IQCK: variants seen among roughly 807,000 people sequenced by gnomAD.
The protein encoded by IQCK is IQ domain-containing protein K.
Under a neutral mutation model 28.1 loss-of-function variants are expected in IQCK, and 29 were observed. The observed-to-expected ratio is 1.03, with a 90% confidence interval of 0.77 to 1.41. The LOEUF is 1.41. Among genes scored for constraint, IQCK ranks in the 40% most tolerant of loss-of-function variants. The pLI, the probability that IQCK is intolerant of heterozygous loss-of-function variation, is 0.00. For missense variants in IQCK, 359 were observed against 314.7 expected (o/e 1.14, Z -1.07); for synonymous variants, 113 against 115.1 (o/e 0.98, Z 0.12).
intron 7 of IQCK, among the ~76,000 whole-genome samples, chr16:19,814,706 T>C (rs1057074707): frequency 6.7e-6 from 1 of 149,204 alleles, no homozygotes; most frequent in African/African-American, 2.5e-5. Context: ...ACACAGATAC[T>C]AACCAAAAGA....
intron 9 of IQCK, among the ~76,000 whole-genome samples, chr16:19,833,663 G>A (rs1265661048): frequency 6.6e-6 from 1 of 152,110 alleles, no homozygotes; most frequent in African/African-American, 2.4e-5. Context: ...CAGAGTAGAG[G>A]GTGGAGACCA....
At chr16:19,797,613 C>CAA (rs61289661) in intron 7 of IQCK, among the ~76,000 whole-genome samples, 2 of 45,696 alleles carry the variant, frequency 4.4e-5, no homozygotes, top group African/African-American at 1.6e-4. Context: ...TGAGGCCTTG[C>CAA]AAAAAAAAAA....
chr16:19,733,655 A>T (rs1379342603), intron 2 of IQCK, 43 bp from the exon 3 acceptor site: 1 of 1,607,034 alleles, frequency 6.2e-7, no homozygotes. Context: ...CAATTATTTA[A>T]GCTGTTTAAA....
intron 4 of IQCK, among the ~76,000 whole-genome samples, chr16:19,749,176 TAGAGA>T (rs1293347382): frequency 6.6e-6 from 1 of 152,154 alleles, no homozygotes; most frequent in East Asian, 1.9e-4. Flanking sequence ...ATCCAGGAAA[TAGAGA>T]AGAGAGACGA....
At chr16:19,759,143 A>G (rs948177526) in intron 4 of IQCK, among the ~76,000 whole-genome samples, 3 of 152,116 alleles carry the variant, frequency 2.0e-5, no homozygotes, top group African/African-American at 7.2e-5. Flanking sequence ...TGGTGAATTC[A>G]TTCATTCATT....
At chr16:19,724,558 T>C (rs1328067753) in intron 1 of IQCK, among the ~76,000 whole-genome samples, 1 of 152,160 alleles carries the variant, frequency 6.6e-6, no homozygotes, top group Non-Finnish European at 1.5e-5. Flanking sequence ...AGTCAGAGTC[T>C]GGCTCTGTCA....
At chr16:19,771,885 G>A (rs115012198) in intron 6 of IQCK, among the ~76,000 whole-genome samples, 2,151 of 152,224 alleles carry the variant, frequency 0.014, 48 homozygotes, top group African/African-American at 0.048. Context: ...ATGGAGGAGG[G>A]GAGGGGGTTG....
At chr16:19,761,795 T>C (rs1292120994) in intron 4 of IQCK, 3 of 185,008 alleles carry the variant, frequency 1.6e-5, no homozygotes, top group Non-Finnish European at 3.4e-5. Flanking sequence ...GCTGCCTGTA[T>C]TGAAAACTCA....
At position 19,793,656 on chromosome 16, in the gene IQCK, T is replaced by A. The variant is rs536053975; in HGVS notation, c.690+4734T>A. On this transcript the variant is annotated intron_variant, in intron 7 of 7. Coordinates refer to ENST00000564186, the Ensembl canonical transcript of IQCK. ...AATCTCAGTTGGGTTTTTTTTTTTT[T>A]TTTTTTTTTTTTTTTTTGTGAAATT... Among the ~76,000 whole-genome samples, 45 of 130,158 alleles carry A rather than the reference T, an allele frequency of 3.5e-4. 2 individuals carry two copies. The South Asian group carries it at 0.011, about 32-fold the overall frequency. 85.4% of individuals were successfully genotyped at this position (130,158 alleles called of 152,430 possible).
At chr16:19,832,062 A>G (rs2056238893), downstream of IQCK, among the ~76,000 whole-genome samples, 1 of 152,172 alleles carries the variant, frequency 6.6e-6, no homozygotes, top group Non-Finnish European at 1.5e-5. Context: ...GTAGTAAAAA[A>G]TATCGTGTCT....
At chr16:19,849,259 A>AG (rs1180542484) in intron 9 of IQCK, among the ~76,000 whole-genome samples, 2 of 132,114 alleles carry the variant, frequency 1.5e-5, no homozygotes, top group Non-Finnish European at 3.2e-5. Flanking sequence ...ATCTATGTTC[A>AG]GGTTTTTTTT....
chr16:19,807,861 G>A (rs936840674), intron 7 of IQCK, among the ~76,000 whole-genome samples: 4 of 152,196 alleles, frequency 2.6e-5, no homozygotes, highest in African/African-American at 7.2e-5. Flanking sequence ...GGGCTCATAA[G>A]TATTAGCTCT....
chr16:19,829,012 TA>T (rs2056194005), downstream of IQCK, among the ~76,000 whole-genome samples: 2 of 143,476 alleles, frequency 1.4e-5, no homozygotes, highest in Non-Finnish European at 3.0e-5. Context: ...AAATATATAT[TA>T]TATATATGCA....
chr16:19,743,181 A>G (rs1360223653), intron 4 of IQCK, among the ~76,000 whole-genome samples: 2 of 152,136 alleles, frequency 1.3e-5, no homozygotes, highest in African/African-American at 4.8e-5. Flanking sequence ...AAATAAATAA[A>G]TAAATAAATA....
At chr16:19,733,009 G>A (rs1977889955) in intron 2 of IQCK, among the ~76,000 whole-genome samples, 1 of 152,138 alleles carries the variant, frequency 6.6e-6, no homozygotes, top group African/African-American at 2.4e-5. Context: ...TTCCATTCTT[G>A]TTCCCACCCT....
chr16:19,822,877 A>G (rs542522108), intron 7 of IQCK, among the ~76,000 whole-genome samples: 5 of 152,358 alleles, frequency 3.3e-5, no homozygotes, highest in South Asian at 2.1e-4. Flanking sequence ...TTTTAAAAAA[A>G]TCACTAAGGT....
At chr16:19,831,167 T>G, downstream of IQCK, among the ~76,000 whole-genome samples, 1 of 152,376 alleles carries the variant, frequency 6.6e-6, no homozygotes, top group East Asian at 1.9e-4. Flanking sequence ...TCCAGTGTTC[T>G]AACATATCCT....
At position 19,782,465 on chromosome 16, in the gene IQCK, C is replaced by CA. The variant is rs566622955; in HGVS notation, c.606-6360dup. Among the ~76,000 whole-genome samples, 983 of 142,570 alleles carry CA rather than the reference C, an allele frequency of 6.9e-3. 8 individuals are homozygous for CA. The highest frequency in any genetic ancestry group is 0.021 in the African/African-American group (837 of 39,016). The allele number at this position is 142,570 out of a possible 152,430, so 93.5% of individuals were successfully genotyped here. On this transcript the variant is annotated intron_variant, in intron 6 of 7. Transcript: ENST00000564186. ...TGAGACCCTGTCTCTACAAAAATAC[C>CA]AAAAAAAAAAAAATTAGCTGGGAAT... is the stretch of plus-strand genomic sequence containing the variant.
chr16:19,744,724 G>C (rs2054882971), intron 4 of IQCK, among the ~76,000 whole-genome samples: 1 of 152,216 alleles, frequency 6.6e-6, no homozygotes, highest in African/African-American at 2.4e-5. Flanking sequence ...TGGCATTAGA[G>C]TGACAATCTA....
Sources: gnomAD v4.1 joint callset for allele counts (sites outside exome capture counted in the v4.1 genomes callset) on GRCh38, gnomAD v4.1.1 for gene constraint, MANE v1.5 for transcripts, NCBI Gene and HGNC (gene_info 2026-07-23, HGNC 2026-07-21) for gene names.